The following CDK17 variants were observed in gnomAD, a reference collection of about 807,000 sequenced individuals.
CDK17 encodes cyclin dependent kinase 17.
Under a neutral mutation model 77.6 loss-of-function variants are expected in CDK17, and 24 were observed. The observed-to-expected ratio is 0.31, with a 90% CI of 0.22 to 0.44. The LOEUF (loss-of-function observed/expected upper bound fraction) is 0.44. Among genes scored for constraint, CDK17 ranks in the 20% least tolerant of loss-of-function variants. CDK17 has a pLI of 1.00. For missense variants in CDK17, 429 were observed against 622.5 expected, an observed-to-expected ratio of 0.69 and a Z score of 3.31; for synonymous variants, 203 against 210.4, an observed-to-expected ratio of 0.96 and a Z score of 0.30.
At chr12:96,371,924 C>G (rs1244497667) in intron 1 of CDK17, among the ~76,000 whole-genome samples, 1 of 151,942 alleles carries the variant, frequency 6.6e-6, no homozygotes, top group African/African-American at 2.4e-5. Context: ...TCTTAGCATA[C>G]TTGGCACAAG....
intron 1 of CDK17, among the ~76,000 whole-genome samples, chr12:96,356,395 A>C (rs1953394292): frequency 6.6e-6 from 1 of 152,190 alleles, no homozygotes; most frequent in Non-Finnish European, 1.5e-5. Flanking sequence ...GCCCAGGCTC[A>C]AGCAATCCTT....
At chr12:96,312,817 G>T (rs2137107133) in intron 4 of CDK17, among the ~76,000 whole-genome samples, 1 of 152,182 alleles carries the variant, frequency 6.6e-6, no homozygotes, top group South Asian at 2.1e-4. Flanking sequence ...GTGCTTCAGA[G>T]ATCAGTAGGT....
intron 1 of CDK17, among the ~76,000 whole-genome samples, chr12:96,348,523 C>CAAAAAAAAAAAAAAAAAAAAAAAA (rs35363324): frequency 9.0e-5 from 6 of 66,370 alleles, no homozygotes; most frequent in South Asian, 5.8e-4. Context: ...GACTCTGTCT[C>CAAAAAAAAAAAAAAAAAAAAAAAA]AAAAAAAAAA....
chr12:96,385,736 A>C (rs1037900586), intron 1 of CDK17, among the ~76,000 whole-genome samples: 1 of 152,204 alleles, frequency 6.6e-6, no homozygotes, highest in Non-Finnish European at 1.5e-5. Flanking sequence ...GAGAACGTAC[A>C]TTGTACATTT....
chr12:96,336,904 T>C (rs191313638), intron 1 of CDK17, among the ~76,000 whole-genome samples: 22 of 152,376 alleles, frequency 1.4e-4, no homozygotes, highest in African/African-American at 5.0e-4. Flanking sequence ...CTCCAAAGTC[T>C]GAACAATCTA....
chr12:96,344,154 A>T (rs1359685672), intron 1 of CDK17, among the ~76,000 whole-genome samples: 1 of 152,198 alleles, frequency 6.6e-6, no homozygotes, highest in South Asian at 2.1e-4. Context: ...AGTCTTAGGG[A>T]TACAAAGAAA....
intron 1 of CDK17, among the ~76,000 whole-genome samples, chr12:96,375,698 C>G (rs1011513557): frequency 3.9e-5 from 6 of 151,914 alleles, no homozygotes; most frequent in Admixed American, 1.3e-4. Context: ...GCACCCACCA[C>G]CACGCCTGGG....
intron 4 of CDK17, among the ~76,000 whole-genome samples, chr12:96,313,065 G>A (rs1324877265): frequency 2.0e-5 from 3 of 151,808 alleles, no homozygotes; most frequent in South Asian, 2.1e-4. Context: ...CTAAAATAAC[G>A]TTTCGCAAAA....
intron 3 of CDK17, among the ~76,000 whole-genome samples, chr12:96,316,512 C>CA (rs1952721936): frequency 6.7e-6 from 1 of 149,354 alleles, no homozygotes; most frequent in Non-Finnish European, 1.5e-5. Context: ...AGGGCACAGA[C>CA]AAACAAAAAG....
chr12:96,334,063 A>T (rs1260101281), intron 2 of CDK17, among the ~76,000 whole-genome samples: 1 of 152,196 alleles, frequency 6.6e-6, no homozygotes, highest in African/African-American at 2.4e-5. Context: ...TAACAGCAGA[A>T]TTTCAGGCAC....
At chr12:96,377,319 A>G (rs1356569006) in intron 1 of CDK17, among the ~76,000 whole-genome samples, 1 of 152,236 alleles carries the variant, frequency 6.6e-6, no homozygotes, top group African/African-American at 2.4e-5. Flanking sequence ...GTCGAAAGTT[A>G]TGCATGAAAA....
intron 1 of CDK17, among the ~76,000 whole-genome samples, chr12:96,380,136 C>G (rs1953852963): frequency 6.6e-6 from 1 of 150,508 alleles, no homozygotes; most frequent in Non-Finnish European, 1.5e-5. Flanking sequence ...ACCAATGCAC[C>G]CTAGCCTGAG....
intron 3 of CDK17, 38 bp from the exon 4 acceptor site, chr12:96,313,492 T>C (rs760068527): frequency 5.3e-6 from 6 of 1,130,574 alleles, no homozygotes; most frequent in African/African-American, 1.6e-5. Context: ...AGATACATTA[T>C]ATTCTAATAT....
intron 5 of CDK17, among the ~76,000 whole-genome samples, chr12:96,304,451 C>T (rs1416925682): frequency 6.6e-6 from 1 of 152,060 alleles, no homozygotes; most frequent in Admixed American, 6.5e-5. Flanking sequence ...GCAGAAGAAT[C>T]GCTTGAACCC....
chr12:96,364,680 A>C (rs1359201217), intron 1 of CDK17, among the ~76,000 whole-genome samples: 2 of 152,180 alleles, frequency 1.3e-5, no homozygotes, highest in African/African-American at 4.8e-5. Flanking sequence ...CCATCAAGAA[A>C]TACGGCACAT....
intron 1 of CDK17, among the ~76,000 whole-genome samples, chr12:96,385,038 G>T (rs1223421037): frequency 6.7e-6 from 1 of 148,830 alleles, no homozygotes; most frequent in African/African-American, 2.5e-5. Context: ...AAAAAGCCAG[G>T]TGCAGTGGCT....
At chr12:96,350,023 A>T (rs1041945548) in intron 1 of CDK17, among the ~76,000 whole-genome samples, 1 of 152,228 alleles carries the variant, frequency 6.6e-6, no homozygotes, top group Non-Finnish European at 1.5e-5. Context: ...CATTTAGAAT[A>T]GCATCAAAAA....
chr12:96,341,737 A>G (rs767527171), intron 1 of CDK17, among the ~76,000 whole-genome samples: 1 of 152,162 alleles, frequency 6.6e-6, no homozygotes. Flanking sequence ...TTAAAAGAAG[A>G]TAACAGCTAA....
chr12:96,395,390 G>A (rs139102642), intron 1 of CDK17, among the ~76,000 whole-genome samples: 66 of 152,282 alleles, frequency 4.3e-4, no homozygotes, highest in African/African-American at 1.3e-3. Context: ...TCCTCATGGA[G>A]ACAGTGTAGA....
Sources: allele counts gnomAD v4.1 joint callset (sites outside exome capture counted in the v4.1 genomes callset), GRCh38; gene constraint gnomAD v4.1.1; transcripts MANE v1.5; gene names NCBI Gene and HGNC (gene_info 2026-07-23, HGNC 2026-07-21).